The following TMEM178B variants were observed in gnomAD, a reference collection of about 807,000 sequenced individuals.
The protein encoded by TMEM178B is transmembrane protein 178B.
Under a neutral mutation model 31.0 loss-of-function variants are expected in TMEM178B, and 5 were observed. That is an observed-to-expected ratio of 0.16 (90% CI 0.08 to 0.34). The LOEUF (loss-of-function observed/expected upper bound fraction) is 0.34, where lower values mean the gene tolerates loss of function less well. Ranked by LOEUF, TMEM178B falls within the 10% of genes least tolerant of loss-of-function variation. The pLI is 1.00. For missense variants in TMEM178B, 275 were observed against 400.3 expected (o/e 0.69, Z 2.67); for synonymous variants, 164 against 164.0 (o/e 1.00, Z 0.00).
Position 141,204,744 on chromosome 7 carries a change from C to G in TMEM178B, c.383-7847C>G, listed in dbSNP as rs1238433372. Among the ~76,000 whole-genome samples the G allele has an allele frequency of 2.0e-5, 3 of 152,308 alleles. No individual in the cohort carries two copies. The East Asian group carries it at 5.8e-4, about 29-fold the overall frequency. Reference sequence around the variant, plus strand: ...TTGATCAAATAGCAGGCCTTGATATCTATTTTTCACTCATCCAAATATAAC... The same window carrying G: ...TTGATCAAATAGCAGGCCTTGATATGTATTTTTCACTCATCCAAATATAAC... On this transcript the variant is annotated intron_variant, in intron 1 of 3. Transcript: ENST00000565468.
At chr7:141,403,507 C>A (rs1800825975) in intron 2 of TMEM178B, among the ~76,000 whole-genome samples, 1 of 152,214 alleles carries the variant, frequency 6.6e-6, no homozygotes, top group African/African-American at 2.4e-5. Flanking sequence ...TATCCACCCT[C>A]ACAAGACAGG....
intron 1 of TMEM178B, among the ~76,000 whole-genome samples, chr7:141,079,189 A>T (rs977149167): frequency 2.0e-5 from 3 of 152,178 alleles, no homozygotes; most frequent in Non-Finnish European, 4.4e-5. Context: ...CAGGAGGCTG[A>T]GGCAGGAGAA....
chr7:141,384,547 A>G (rs1429183140), intron 2 of TMEM178B, among the ~76,000 whole-genome samples: 1 of 152,084 alleles, frequency 6.6e-6, no homozygotes, highest in Non-Finnish European at 1.5e-5. Flanking sequence ...ATTATTTCTG[A>G]GAGCTCTGTT....
At chr7:141,395,053 T>C (rs984569810) in intron 2 of TMEM178B, among the ~76,000 whole-genome samples, 1 of 152,228 alleles carries the variant, frequency 6.6e-6, no homozygotes, top group Non-Finnish European at 1.5e-5. Flanking sequence ...ACCCTCTCAC[T>C]CCTGTTTCCA....
chr7:141,313,413 T>G (rs1213154537), intron 2 of TMEM178B, among the ~76,000 whole-genome samples: 1 of 152,202 alleles, frequency 6.6e-6, no homozygotes, highest in East Asian at 1.9e-4. Context: ...CTCCCCATGT[T>G]CATGATCTGT....
In TMEM178B at chr7:141,188,550, A is replaced by G. The variant is rs77599880; in HGVS notation, c.383-24041A>G. On this transcript the variant is annotated intron_variant, in intron 1 of 3. Transcript: ENST00000565468. ...GTTATACACAATGAGCAAGTGAGAG[A>G]CAGATCTAGCTTCCTGACTTCCAGT... 1.2e-4 allele frequency among the ~76,000 whole-genome samples: 18 copies of G among 152,348 alleles called. No individual in the cohort carries two copies. The East Asian group carries it at 3.5e-3, about 29-fold the overall frequency.
chr7:141,225,562 G>C (rs1586835938), intron 2 of TMEM178B, among the ~76,000 whole-genome samples: 1 of 152,246 alleles, frequency 6.6e-6, no homozygotes, highest in East Asian at 1.9e-4. Context: ...AATGGGTTCT[G>C]AATTCTAAAT....
At chr7:141,142,853 T>C (rs1164590786) in intron 1 of TMEM178B, among the ~76,000 whole-genome samples, 1 of 152,248 alleles carries the variant, frequency 6.6e-6, no homozygotes. Flanking sequence ...TGTATAAGCA[T>C]TGTCTTTTCT....
chr7:141,085,298 A>AT (rs562385699), intron 1 of TMEM178B, among the ~76,000 whole-genome samples: 45 of 150,720 alleles, frequency 3.0e-4, no homozygotes, highest in African/African-American at 1.1e-3. Context: ...TGCCTGGCCT[A>AT]TTTTTTGTAA....
chr7:141,114,820 A>G (rs1191629911), intron 1 of TMEM178B, among the ~76,000 whole-genome samples: 1 of 152,366 alleles, frequency 6.6e-6, no homozygotes, highest in East Asian at 1.9e-4. Context: ...TAAAGAATGT[A>G]GTAAGATATT....
chr7:141,098,117 T>A (rs1413531839), intron 1 of TMEM178B, among the ~76,000 whole-genome samples: 1 of 152,150 alleles, frequency 6.6e-6, no homozygotes, highest in African/African-American at 2.4e-5. Flanking sequence ...ATTCATGACA[T>A]TACCAAAAGT....
intron 1 of TMEM178B, among the ~76,000 whole-genome samples, chr7:141,076,218 CAGGAAAA>C (rs1794598531): frequency 6.6e-6 from 1 of 151,968 alleles, no homozygotes; most frequent in South Asian, 2.1e-4. Flanking sequence ...GCTGCCAAGG[CAGGAAAA>C]CAAGAGGGCC....
chr7:141,185,784 G>A (rs746033838), intron 1 of TMEM178B, among the ~76,000 whole-genome samples: 17 of 151,958 alleles, frequency 1.1e-4, no homozygotes, highest in Admixed American at 9.8e-4. Context: ...CCTAACCAGG[G>A]ACCATGCCCT....
At chr7:141,470,426 C>T (rs1404287621) in intron 3 of TMEM178B, 110 bp from the exon 4 acceptor site, 4 of 1,197,700 alleles carry the variant, frequency 3.3e-6, no homozygotes, top group African/African-American at 3.1e-5. Flanking sequence ...ATTTTTCCTA[C>T]TCAAGAAAAT....
intron 3 of TMEM178B, among the ~76,000 whole-genome samples, chr7:141,469,076 C>T (rs1802194653): frequency 6.6e-6 from 1 of 152,238 alleles, no homozygotes; most frequent in Non-Finnish European, 1.5e-5. Context: ...TGCCTAGCCC[C>T]CAGGCAGCCT....
intron 1 of TMEM178B, among the ~76,000 whole-genome samples, chr7:141,085,150 ATTTTTTTT>A (rs61516388): frequency 4.0e-5 from 3 of 74,506 alleles, no homozygotes; most frequent in East Asian, 4.1e-4. Context: ...GCTAATTTGT[ATTTTTTTT>A]TTTTTTTTTT....
chr7:141,292,202 C>G (rs534064193), intron 2 of TMEM178B, among the ~76,000 whole-genome samples: 3 of 152,314 alleles, frequency 2.0e-5, no homozygotes, highest in African/African-American at 7.2e-5. Context: ...TGGAACACTG[C>G]TCTTATTTGG....
At chr7:141,253,998 C>T (rs1797880531) in intron 2 of TMEM178B, among the ~76,000 whole-genome samples, 1 of 152,180 alleles carries the variant, frequency 6.6e-6, no homozygotes, top group Non-Finnish European at 1.5e-5. Flanking sequence ...TCCCTGTTCC[C>T]TTACTGTTTC....
At chr7:141,184,046 T>G (rs1796571210) in intron 1 of TMEM178B, among the ~76,000 whole-genome samples, 1 of 152,182 alleles carries the variant, frequency 6.6e-6, no homozygotes, top group Non-Finnish European at 1.5e-5. Flanking sequence ...AGAGACATTC[T>G]TTGTGAGTTT....
Sources: allele counts gnomAD v4.1 joint callset (sites outside exome capture counted in the v4.1 genomes callset), GRCh38; gene constraint gnomAD v4.1.1; transcripts MANE v1.5; gene names NCBI Gene and HGNC (gene_info 2026-07-23, HGNC 2026-07-21).